Variants in NAALADL2 observed in about 807,000 individuals in gnomAD.
NAALADL2 encodes the protein inactive N-acetylated-alpha-linked acidic dipeptidase-like protein 2.
NAALADL2 carries 76 observed loss-of-function variants against 87.2 expected under a neutral mutation model. The observed-to-expected ratio is 0.87, with a 90% CI of 0.72 to 1.05. The LOEUF (loss-of-function observed/expected upper bound fraction) is 1.05, where lower values mean the gene tolerates loss of function less well. NAALADL2 is among the 50% of genes least tolerant of loss of function. The pLI is 0.00. For missense variants in NAALADL2, 1,089 were observed against 945.8 expected (o/e 1.15, Z -1.99); for synonymous variants, 354 against 331.0 (o/e 1.07, Z -0.75).
intron 5 of NAALADL2, among the ~76,000 whole-genome samples, chr3:175,413,555 G>T (rs1318163247): frequency 8.6e-6 from 1 of 115,638 alleles, no homozygotes; most frequent in Non-Finnish European, 1.8e-5. Flanking sequence ...GGGCGACAGA[G>T]CGAGACTCCA....
intron 2 of NAALADL2, among the ~76,000 whole-genome samples, chr3:175,224,773 G>A (rs989594109): frequency 6.6e-6 from 1 of 152,256 alleles, no homozygotes; most frequent in African/African-American, 2.4e-5. Context: ...GATGAAGCAC[G>A]TAAATAACTT....
chr3:175,190,702 C>A (rs1382518430), intron 2 of NAALADL2, among the ~76,000 whole-genome samples: 1 of 152,070 alleles, frequency 6.6e-6, no homozygotes, highest in African/African-American at 2.4e-5. Flanking sequence ...ATGGGCCGGG[C>A]GCGGTGGCTC....
chr3:174,526,122 A>C (rs1720722086), intron 1 of NAALADL2, among the ~76,000 whole-genome samples: 1 of 152,172 alleles, frequency 6.6e-6, no homozygotes, highest in African/African-American at 2.4e-5. Flanking sequence ...CTTAGGTATA[A>C]ATTTTCAGGT....
intron 10 of NAALADL2, among the ~76,000 whole-genome samples, chr3:175,622,175 C>G (rs1234991310): frequency 6.6e-6 from 1 of 152,038 alleles, no homozygotes. Context: ...CTGCACATAT[C>G]CTTTGCCTTC....
rs148151617 is a variant in NAALADL2, at chr3:174,940,790, G to A, written c.43+81340G>A. Among the ~76,000 whole-genome samples the A allele has an allele frequency of 7.4e-3, 1,133 of 152,212 alleles. 10 individuals carry two copies. Among genetic ancestry groups the A allele is most frequent in the Non-Finnish European group, 0.011 (757 of 67,970 alleles). On this transcript the variant is annotated intron_variant, in intron 1 of 13. Transcript: ENST00000454872. ...TTATCCATATCTTCTAGGTTGACTA[G>A]TTTGTGTGAATAGAGGTGTTTGTAG...
rs961096053 is a variant in NAALADL2 at position 174,668,843 on chromosome 3, C to A, written c.-114-68798C>A. The stretch of plus-strand genomic sequence containing the variant: ...TCATTGTTGGACATTTGGGTTGGTT[C>A]CAAGTCTTTGCTATTATGAATAGTG... On this transcript the variant is annotated intron_variant, in intron 2 of 3. Transcript: ENST00000434257. 4.4e-4 allele frequency among the ~76,000 whole-genome samples: 67 copies of A among 152,238 alleles called. 2 individuals carry two copies. The Middle Eastern group carries it at 0.031, about 70-fold the overall frequency.
chr3:174,987,344 C>T lies in NAALADL2; in HGVS notation c.44-109446C>T, dbSNP rs987030961. On this transcript the variant is annotated intron_variant, in intron 1 of 13. Coordinates refer to ENST00000454872, the MANE Select transcript of NAALADL2 (RefSeq NM_207015.3). ...CAGCACTTTGGGAGGCCGAGGCGGGCGGATCACGAGGTCAGGAGATCGAGA... is the reference window on the plus strand; with the variant it reads ...CAGCACTTTGGGAGGCCGAGGCGGGTGGATCACGAGGTCAGGAGATCGAGA... Among the ~76,000 whole-genome samples, 9 of 151,306 alleles carry T rather than the reference C, an allele frequency of 5.9e-5. No homozygotes were observed. In the South Asian group the frequency reaches 8.4e-4, roughly 14 times the overall value.
chr3:175,640,370 GT>G, intron 11 of NAALADL2, among the ~76,000 whole-genome samples: 1 of 152,140 alleles, frequency 6.6e-6, no homozygotes, highest in Non-Finnish European at 1.5e-5. Flanking sequence ...ATTCATTGGT[GT>G]TTTTTTCCCT....
intron 1 of NAALADL2, among the ~76,000 whole-genome samples, chr3:174,986,253 T>A (rs1745858705): frequency 6.9e-6 from 1 of 144,602 alleles, no homozygotes; most frequent in Admixed American, 6.8e-5. Flanking sequence ...ATATATTCAA[T>A]ATATATACAC....
chr3:174,866,190 G>A (rs1411939798), intron 1 of NAALADL2, among the ~76,000 whole-genome samples: 2 of 151,786 alleles, frequency 1.3e-5, no homozygotes, highest in Non-Finnish European at 3.0e-5. Flanking sequence ...TTTCTATAGA[G>A]GATAAGAGAC....
At chr3:175,574,217 T>C (rs1718525930) in intron 9 of NAALADL2, among the ~76,000 whole-genome samples, 1 of 152,116 alleles carries the variant, frequency 6.6e-6, no homozygotes, top group African/African-American at 2.4e-5. Context: ...AAAGGAAAAG[T>C]GGGGAGCTTT....
intron 1 of NAALADL2, among the ~76,000 whole-genome samples, chr3:174,945,776 G>A (rs1036316641): frequency 2.0e-5 from 3 of 152,152 alleles, no homozygotes; most frequent in Non-Finnish European, 4.4e-5. Flanking sequence ...GGCTGGGCAA[G>A]GTGGCTCACG....
intron 11 of NAALADL2, among the ~76,000 whole-genome samples, chr3:175,688,763 T>C (rs1027308481): frequency 6.6e-6 from 1 of 152,100 alleles, no homozygotes; most frequent in Non-Finnish European, 1.5e-5. Flanking sequence ...TCAAGGTTTC[T>C]CCTTTGTTCT....
At chr3:174,861,905 T>A (rs1045842436) in intron 1 of NAALADL2, among the ~76,000 whole-genome samples, 1 of 151,618 alleles carries the variant, frequency 6.6e-6, no homozygotes, top group Non-Finnish European at 1.5e-5. Context: ...CCCATTTTTT[T>A]TTTTTCCTGA....
chr3:174,659,531 T>C (rs1195730826), intron 2 of NAALADL2, among the ~76,000 whole-genome samples: 1 of 152,192 alleles, frequency 6.6e-6, no homozygotes, highest in Non-Finnish European at 1.5e-5. Flanking sequence ...CTGTGCTGAT[T>C]CTTTCCTTTT....
chr3:175,455,557 C>T (rs1722205885), intron 6 of NAALADL2, among the ~76,000 whole-genome samples: 3 of 151,882 alleles, frequency 2.0e-5, no homozygotes, highest in South Asian at 2.1e-4. Context: ...AAAAAGAATA[C>T]GATTTAATTC....
chr3:175,733,628 G>C (rs1386030116), intron 11 of NAALADL2, among the ~76,000 whole-genome samples: 1 of 152,056 alleles, frequency 6.6e-6, no homozygotes, highest in Non-Finnish European at 1.5e-5. Context: ...CTTCCCAACA[G>C]TTCCCCAAAA....
chr3:175,036,012 A>G (rs1753365680), intron 1 of NAALADL2, among the ~76,000 whole-genome samples: 1 of 152,198 alleles, frequency 6.6e-6, no homozygotes, highest in Admixed American at 6.6e-5. Flanking sequence ...ATAAAAGTGA[A>G]GATATTTAAA....
At chr3:174,965,386 C>T (rs181688598) in intron 1 of NAALADL2, among the ~76,000 whole-genome samples, 6 of 151,960 alleles carry the variant, frequency 3.9e-5, no homozygotes, top group South Asian at 4.2e-4. Flanking sequence ...CTATTCTATT[C>T]GTTAACATTA....
Sources: gnomAD v4.1 joint callset for allele counts (sites outside exome capture counted in the v4.1 genomes callset) on GRCh38, gnomAD v4.1.1 for gene constraint, MANE v1.5 for transcripts, NCBI Gene and HGNC (gene_info 2026-07-23, HGNC 2026-07-21) for gene names.